PRKCZ: variants seen among roughly 807,000 people sequenced by gnomAD.
The protein encoded by PRKCZ is protein kinase C zeta, also known as protein kinase C zeta type.
PRKCZ carries 33 observed loss-of-function variants against 79.5 expected under a neutral mutation model. The observed-to-expected ratio is 0.41, with a 90% CI of 0.31 to 0.55. The LOEUF is 0.55. PRKCZ is among the 20% of genes least tolerant of loss of function. The probability of loss-of-function intolerance (pLI) is 0.19; values close to 1 mark genes in which losing one functional copy is unlikely to be tolerated. For missense variants in PRKCZ, 578 were observed against 813.5 expected (o/e 0.71, Z 3.52); for synonymous variants, 342 against 320.9 (o/e 1.07, Z -0.70).
intron 9 of PRKCZ, among the ~76,000 whole-genome samples, 167 bp from the exon 10 acceptor site, chr1:2,155,828 A>T (rs1030195014): frequency 1.3e-5 from 2 of 151,868 alleles, no homozygotes; most frequent in African/African-American, 4.8e-5. Flanking sequence ...GGTGGGGTGG[A>T]TGGTGACAAT....
At chr1:2,061,099 C>T (rs1263933111) in intron 4 of PRKCZ, among the ~76,000 whole-genome samples, 1 of 152,216 alleles carries the variant, frequency 6.6e-6, no homozygotes, top group South Asian at 2.1e-4. Flanking sequence ...GACCCACGGG[C>T]CGTGTTTATT....
rs3107130 is a variant in PRKCZ, at chr1:2,094,270, C to T, written c.334+34679C>T. ...AAGCCTGGTGACCCGAGGGTACCCT[C>T]GGCCTCCCGGCCTGAACTCTTCTCC... On this transcript the variant is annotated intron_variant, in intron 4 of 17. Coordinates refer to ENST00000378567, the MANE Select transcript of PRKCZ (RefSeq NM_002744.6). The surrounding 1 kb of genome is among the most constrained non-coding windows in gnomAD (Gnocchi z 7.3). Among the ~76,000 whole-genome samples the T allele has an allele frequency of 0.037, 5,661 of 152,250 alleles. 366 individuals carry two copies. The highest frequency in any genetic ancestry group is 0.12 in the African/African-American group (5,168 of 41,498).
rs748685674 is a variant in PRKCZ at position 2,172,266 on chromosome 1, A to G, written c.1198-35A>G. ...GCGCCTGTCCCGCGGGGTAGTGTCT[A>G]CAAGAACCCTCTCCCAGTAACTTTG... On this transcript the variant is annotated intron_variant, in intron 12 of 17. Transcript: ENST00000378567. The surrounding 1 kb of genome is among the most constrained non-coding windows in gnomAD (Gnocchi z 7.8). 1 of 1,613,460 alleles carries G rather than the reference A, an allele frequency of 6.2e-7. No individual in the cohort carries two copies. Among genetic ancestry groups the G allele is most frequent in the African/African-American group, 1.3e-5 (1 of 75,046 alleles).
At chr1:2,133,272 C>G (rs1675364001) in intron 4 of PRKCZ, among the ~76,000 whole-genome samples, 1 of 152,024 alleles carries the variant, frequency 6.6e-6, no homozygotes, top group African/African-American at 2.4e-5. Context: ...TCGGCTCCGC[C>G]CCACAGCTGT....
chr1:2,135,550 T>C (rs995281967), intron 5 of PRKCZ, among the ~76,000 whole-genome samples: 1 of 152,202 alleles, frequency 6.6e-6, no homozygotes, highest in Non-Finnish European at 1.5e-5. Flanking sequence ...TCCGGGCCTT[T>C]CCCTGCGTGG....
intron 4 of PRKCZ, among the ~76,000 whole-genome samples, chr1:2,130,559 G>C (rs116213564): frequency 1.9e-4 from 29 of 152,292 alleles, no homozygotes; most frequent in Non-Finnish European, 3.7e-4. Context: ...TAAGGAACTG[G>C]CTTGTTCATA....
At chr1:2,171,982 G>A in intron 11 of PRKCZ, 73 bp from the exon 12 acceptor site, 1 of 1,508,088 alleles carries the variant, frequency 6.6e-7, no homozygotes, top group Non-Finnish European at 8.9e-7. Flanking sequence ...GGGAGTGTGT[G>A]GCCCCCAGGC....
chr1:2,083,340 A>G (rs754715131), intron 4 of PRKCZ, among the ~76,000 whole-genome samples: 17 of 152,060 alleles, frequency 1.1e-4, no homozygotes, highest in Admixed American at 3.9e-4. Context: ...CCCCCACCAC[A>G]TTCATGAAAA....
chr1:2,119,732 C>T (rs1217794616), intron 4 of PRKCZ, among the ~76,000 whole-genome samples: 2 of 151,900 alleles, frequency 1.3e-5, no homozygotes, highest in Non-Finnish European at 2.9e-5. Flanking sequence ...GAAGTAGTCC[C>T]TTTAGTATTC....
At position 2,105,443 on chromosome 1, in the gene PRKCZ, A is replaced by C. The variant is rs192324826; in HGVS notation, c.335-29819A>C. ...TTGAGACAGTCTCACTCTTTTGCCCAGGCTGGAGTGCAGTGGCGTGATCTC... is the reference window on the plus strand; with the variant it reads ...TTGAGACAGTCTCACTCTTTTGCCCCGGCTGGAGTGCAGTGGCGTGATCTC... On this transcript the variant is annotated intron_variant, in intron 4 of 17. Transcript: ENST00000378567. 3.3e-5 allele frequency among the ~76,000 whole-genome samples: 5 copies of C among 152,330 alleles called. No homozygotes were observed. In the East Asian group the frequency reaches 9.6e-4, roughly 29 times the overall value.
At chr1:2,155,238 ATGG>A (rs1355088178) in intron 9 of PRKCZ, among the ~76,000 whole-genome samples, 6 of 151,494 alleles carry the variant, frequency 4.0e-5, no homozygotes, top group East Asian at 1.9e-4. Flanking sequence ...GATGACTGTG[ATGG>A]TGGTGGTAGT....
chr1:2,072,704 C>G (rs913066140), intron 4 of PRKCZ, among the ~76,000 whole-genome samples: 3 of 152,014 alleles, frequency 2.0e-5, no homozygotes, highest in Non-Finnish European at 2.9e-5. Context: ...TTTGCTGTCT[C>G]TAGGAATCGG....
chr1:2,112,711 CAG>C (rs1208350071), intron 4 of PRKCZ, among the ~76,000 whole-genome samples: 2 of 148,246 alleles, frequency 1.3e-5, no homozygotes, highest in African/African-American at 5.0e-5. Flanking sequence ...TTTTTGGAGA[CAG>C]AGTCTTGCTC....
In PRKCZ at chr1:2,137,246, C is replaced by T. The variant is rs1235879604; in HGVS notation, c.420+1899C>T. Among the ~76,000 whole-genome samples the T allele has an allele frequency of 3.3e-5, 5 of 152,168 alleles. 1 individual carries two copies. The highest frequency in any genetic ancestry group is 5.9e-5 in the Non-Finnish European group (4 of 68,014). On this transcript the variant is annotated intron_variant, in intron 5 of 17. Coordinates refer to ENST00000378567, the MANE Select transcript of PRKCZ (RefSeq NM_002744.6). ...GGAGAAAGATGAAAGCCAGAAGACCCAGGAAAACTGCTTCTCCCACCTGCT... is the reference window on the plus strand; with the variant it reads ...GGAGAAAGATGAAAGCCAGAAGACCTAGGAAAACTGCTTCTCCCACCTGCT...
chr1:2,159,123 G>A (rs976490630), intron 10 of PRKCZ, among the ~76,000 whole-genome samples: 1 of 152,150 alleles, frequency 6.6e-6, no homozygotes, highest in African/African-American at 2.4e-5. Flanking sequence ...AACGGGGTGA[G>A]CTCCGGGTTG....
At chr1:2,136,471 C>G (rs1232427710) in intron 5 of PRKCZ, among the ~76,000 whole-genome samples, 1 of 152,176 alleles carries the variant, frequency 6.6e-6, no homozygotes, top group Non-Finnish European at 1.5e-5. Context: ...GGCATCTGAT[C>G]ATACTGCCTG....
intron 4 of PRKCZ, among the ~76,000 whole-genome samples, chr1:2,120,669 T>A (rs1049856897): frequency 6.6e-6 from 1 of 152,098 alleles, no homozygotes; most frequent in African/African-American, 2.4e-5. Context: ...GTGTGTCTAA[T>A]GTGCTCTTTT....
At chr1:2,120,940 A>G (rs759255218) in intron 4 of PRKCZ, among the ~76,000 whole-genome samples, 8 of 150,996 alleles carry the variant, frequency 5.3e-5, no homozygotes, top group Non-Finnish European at 1.0e-4. Flanking sequence ...CAGCCTCCCA[A>G]GCAGCTGGGA....
At chr1:2,098,123 G>GTGACCAGGGT (rs1666845361) in intron 4 of PRKCZ, among the ~76,000 whole-genome samples, 2 of 152,348 alleles carry the variant, frequency 1.3e-5, no homozygotes, top group East Asian at 3.9e-4. Context: ...GTGACCAGGG[G>GTGACCAGGGT]TGACTAAGGA....
Sources: gnomAD v4.1 joint callset for allele counts (sites outside exome capture counted in the v4.1 genomes callset) on GRCh38, gnomAD v4.1.1 for gene constraint, Gnocchi (gnomAD v3.1) non-coding constraint, MANE v1.5 for transcripts, NCBI Gene and HGNC (gene_info 2026-07-23, HGNC 2026-07-21) for gene names.